Variants in CTNNA3 observed in about 807,000 individuals in gnomAD.
CTNNA3 encodes the protein catenin alpha-3.
In CTNNA3, 76 loss-of-function variants were observed where a neutral mutation model predicts 95.7. The ratio of observed to expected loss-of-function variants is 0.79; its 90% CI spans 0.66 to 0.96. The LOEUF (loss-of-function observed/expected upper bound fraction) is 0.96. CTNNA3 is among the 40% of genes least tolerant of loss of function. The pLI is 0.00. For synonymous variants in CTNNA3, 431 were observed against 374.4 expected (o/e 1.15, Z -1.74); for missense variants, 1,191 against 1,089.8 (o/e 1.09, Z -1.31).
intron 17 of CTNNA3, among the ~76,000 whole-genome samples, chr10:65,931,650 G>C (rs559379533): frequency 6.6e-6 from 1 of 152,324 alleles, no homozygotes; most frequent in African/African-American, 2.4e-5. Flanking sequence ...GGTTGGAGAA[G>C]TGTCTGTGAT....
At position 66,379,357 on chromosome 10, in the gene CTNNA3, A is replaced by C; in HGVS notation, c.1532-5T>G. 1 of 1,611,694 alleles carries C rather than the reference A, an allele frequency of 6.2e-7. No homozygotes were observed. The highest frequency in any genetic ancestry group is 8.5e-7 in the Non-Finnish European group (1 of 1,177,860). ...CATCTTCCAAGATATGGCTTTCTGTAAGTAAATGAATCAAATTAGTTTTTG... is the reference window on the plus strand; with the variant it reads ...CATCTTCCAAGATATGGCTTTCTGTCAGTAAATGAATCAAATTAGTTTTTG... On this transcript the variant is annotated splice_region_variant and splice_polypyrimidine_tract_variant and intron_variant, in intron 11 of 17. Transcript: ENST00000433211.
chr10:66,819,101 A>T (rs886985639), intron 7 of CTNNA3, among the ~76,000 whole-genome samples: 12 of 151,690 alleles, frequency 7.9e-5, no homozygotes, highest in Admixed American at 1.3e-4. Flanking sequence ...TTAAAAAAAA[A>T]AAAAAAAAAA....
chr10:66,185,125 A>G (rs2086261289), intron 13 of CTNNA3, among the ~76,000 whole-genome samples: 1 of 152,198 alleles, frequency 6.6e-6, no homozygotes, highest in Non-Finnish European at 1.5e-5. Flanking sequence ...TTCCTACTGA[A>G]TCTTCTAAAT....
intron 5 of CTNNA3, among the ~76,000 whole-genome samples, chr10:67,238,072 CA>C (rs1865573458): frequency 6.6e-6 from 1 of 152,118 alleles, no homozygotes; most frequent in Non-Finnish European, 1.5e-5. Context: ...GTGATGCATT[CA>C]CCACAATGAG....
chr10:67,430,120 C>T (rs1846061470), intron 5 of CTNNA3, among the ~76,000 whole-genome samples: 1 of 151,980 alleles, frequency 6.6e-6, no homozygotes, highest in Non-Finnish European at 1.5e-5. Flanking sequence ...AGCAATGCTA[C>T]TTGGCTCCCA....
chr10:67,532,759 C>A (rs1449723008), intron 4 of CTNNA3, among the ~76,000 whole-genome samples: 3 of 152,130 alleles, frequency 2.0e-5, no homozygotes, highest in Non-Finnish European at 4.4e-5. Flanking sequence ...CCAGTTCTTG[C>A]CAAGTAATTT....
At chr10:66,902,632 T>C (rs1030569155) in intron 7 of CTNNA3, among the ~76,000 whole-genome samples, 2 of 151,910 alleles carry the variant, frequency 1.3e-5, no homozygotes, top group East Asian at 1.9e-4. Context: ...GATAGACCAC[T>C]AGCAAGACAA....
intron 15 of CTNNA3, among the ~76,000 whole-genome samples, chr10:66,043,976 G>A (rs902514743): frequency 9.5e-5 from 14 of 147,246 alleles, no homozygotes; most frequent in African/African-American, 3.2e-4. Flanking sequence ...GTGTGTGTGT[G>A]TGTGTGTGTG....
At chr10:66,016,665 C>A (rs2079102200) in intron 15 of CTNNA3, among the ~76,000 whole-genome samples, 1 of 152,090 alleles carries the variant, frequency 6.6e-6, no homozygotes, top group South Asian at 2.1e-4. Context: ...AAATCTTTAA[C>A]TTAAAAGCTA....
At chr10:66,974,900 A>AT (rs913709569) in intron 7 of CTNNA3, among the ~76,000 whole-genome samples, 19 of 151,464 alleles carry the variant, frequency 1.3e-4, no homozygotes, top group African/African-American at 2.7e-4. Flanking sequence ...TTAATAATAC[A>AT]TTTTTTTTAA....
At chr10:67,735,375 T>C (rs1388789044) in intron 1 of CTNNA3, among the ~76,000 whole-genome samples, 1 of 151,990 alleles carries the variant, frequency 6.6e-6, no homozygotes, top group African/African-American at 2.4e-5. Context: ...GTACATCAAC[T>C]CAATGGACAA....
At chr10:66,794,453 T>G (rs1841110104) in intron 7 of CTNNA3, among the ~76,000 whole-genome samples, 1 of 152,180 alleles carries the variant, frequency 6.6e-6, no homozygotes, top group East Asian at 1.9e-4. Flanking sequence ...GTCTCTTAAG[T>G]GTGCAACAGC....
Position 66,119,729 on chromosome 10 carries a change from G to A in CTNNA3, c.1885-16480C>T, listed in dbSNP as rs567448248. On this transcript the variant is annotated intron_variant, in intron 13 of 17. Transcript: ENST00000433211. ...AGGTTCTCATTCTTGTTTTTCATTC[G>A]TTCATGTATTCAATCAATTTTTTTT... is the stretch of plus-strand genomic sequence containing the variant. Among the ~76,000 whole-genome samples, 12 of 150,158 alleles carry A rather than the reference G, an allele frequency of 8.0e-5. No individual in the cohort carries two copies. In the South Asian group the frequency reaches 2.1e-3, roughly 26 times the overall value.
chr10:65,934,025 T>C (rs1415654638), intron 17 of CTNNA3, among the ~76,000 whole-genome samples: 4 of 152,298 alleles, frequency 2.6e-5, no homozygotes, highest in African/African-American at 9.6e-5. Flanking sequence ...TGTATCCATA[T>C]TGAAATTATG....
intron 13 of CTNNA3, among the ~76,000 whole-genome samples, chr10:66,254,811 GA>G (rs1420783779): frequency 2.0e-5 from 3 of 152,300 alleles, no homozygotes; most frequent in African/African-American, 7.2e-5. Flanking sequence ...TGAAGCCCTA[GA>G]GAAGGAGTGT....
At chr10:67,221,651 T>C (rs1864664316) in intron 5 of CTNNA3, among the ~76,000 whole-genome samples, 1 of 152,160 alleles carries the variant, frequency 6.6e-6, no homozygotes, top group South Asian at 2.1e-4. Context: ...CTAGGCTCAC[T>C]GCAAGCTCCG....
At chr10:66,607,587 C>T (rs1000001150) in intron 10 of CTNNA3, among the ~76,000 whole-genome samples, 47 of 151,548 alleles carry the variant, frequency 3.1e-4, no homozygotes, top group African/African-American at 1.1e-3. Context: ...AATCCAGCAG[C>T]ACATCAAAAA....
intron 11 of CTNNA3, among the ~76,000 whole-genome samples, chr10:66,389,448 T>A (rs951697655): frequency 2.6e-5 from 4 of 152,230 alleles, no homozygotes; most frequent in Admixed American, 6.5e-5. Context: ...TGCATTCATT[T>A]AAGAGCAGAC....
intron 5 of CTNNA3, among the ~76,000 whole-genome samples, chr10:67,370,937 G>T (rs1021571012): frequency 6.7e-6 from 1 of 148,910 alleles, no homozygotes; most frequent in African/African-American, 2.4e-5. Context: ...CGGGATCTCG[G>T]CTCACTGCAA....
Sources: allele counts gnomAD v4.1 joint callset (sites outside exome capture counted in the v4.1 genomes callset), GRCh38; gene constraint gnomAD v4.1.1; transcripts MANE v1.5; gene names NCBI Gene and HGNC (gene_info 2026-07-23, HGNC 2026-07-21).